Variants in STK32C observed in about 807,000 individuals in gnomAD.
The protein encoded by STK32C is serine/threonine kinase 32C, also known as serine/threonine-protein kinase 32C.
Under a neutral mutation model 56.5 loss-of-function variants are expected in STK32C, and 31 were observed. The ratio of observed to expected loss-of-function variants is 0.55; its 90% CI spans 0.41 to 0.74. The LOEUF (loss-of-function observed/expected upper bound fraction) is 0.74, where lower values mean the gene tolerates loss of function less well. Among genes scored for constraint, STK32C ranks in the 30% least tolerant of loss-of-function variants. The pLI is 0.00. For synonymous variants in STK32C, 309 were observed against 289.4 expected (o/e 1.07, Z -0.69); for missense variants, 544 against 676.9 (o/e 0.80, Z 2.18).
At chr10:132,234,431 T>C (rs2063205028) in intron 2 of STK32C, among the ~76,000 whole-genome samples, 1 of 152,176 alleles carries the variant, frequency 6.6e-6, no homozygotes, top group Non-Finnish European at 1.5e-5. Flanking sequence ...GTTTGCCCAC[T>C]TCGCTTTTTC....
intron 1 of STK32C, among the ~76,000 whole-genome samples, chr10:132,273,119 T>C (rs1227637855): frequency 6.6e-6 from 1 of 152,166 alleles, no homozygotes; most frequent in Non-Finnish European, 1.5e-5. Flanking sequence ...ACAGTATTTG[T>C]TTGTTAACAT....
chr10:132,305,021 C>G (rs977359940), intron 1 of STK32C, among the ~76,000 whole-genome samples: 4 of 152,234 alleles, frequency 2.6e-5, no homozygotes, highest in African/African-American at 9.6e-5. Flanking sequence ...CACTTGGTAT[C>G]ACCAGGACAC....
chr10:132,278,558 A>G (rs1401989979), intron 1 of STK32C, among the ~76,000 whole-genome samples: 11 of 152,058 alleles, frequency 7.2e-5, no homozygotes, highest in Admixed American at 7.2e-4. Flanking sequence ...TCAGGAGATC[A>G]AGACCATCCT....
chr10:132,262,211 T>C (rs1474334780), intron 1 of STK32C, among the ~76,000 whole-genome samples: 2 of 152,246 alleles, frequency 1.3e-5, no homozygotes, highest in East Asian at 3.9e-4. Context: ...CCCCATTCAA[T>C]AAATGGTGCT....
intron 1 of STK32C, among the ~76,000 whole-genome samples, chr10:132,268,560 T>C (rs545917024): frequency 0.033 from 4,688 of 141,974 alleles, 151 homozygotes; most frequent in Non-Finnish European, 0.048. Flanking sequence ...TGTGTGTGTG[T>C]GCCTGCGTGT....
intron 1 of STK32C, among the ~76,000 whole-genome samples, chr10:132,253,612 C>CA (rs573994927): frequency 8.1e-6 from 1 of 123,952 alleles, no homozygotes. Flanking sequence ...TGGAGGGAGC[C>CA]GAGGGAGCTG....
intron 1 of STK32C, among the ~76,000 whole-genome samples, chr10:132,293,990 C>T (rs1032463144): frequency 1.3e-5 from 2 of 152,120 alleles, no homozygotes; most frequent in East Asian, 1.9e-4. Flanking sequence ...GGCCTTCAGG[C>T]GGGGCCAGCA....
At chr10:132,294,091 G>A (rs945751969) in intron 1 of STK32C, among the ~76,000 whole-genome samples, 1 of 152,230 alleles carries the variant, frequency 6.6e-6, no homozygotes, top group Non-Finnish European at 1.5e-5. Flanking sequence ...AGCCTGGAAT[G>A]TGGGAAACAG....
At chr10:132,212,026 G>A (rs1298116631) in intron 10 of STK32C, among the ~76,000 whole-genome samples, 1 of 152,118 alleles carries the variant, frequency 6.6e-6, no homozygotes, top group Non-Finnish European at 1.5e-5. Flanking sequence ...CAGCGAGGAG[G>A]GGCCTGGGAA....
intron 7 of STK32C, 67 bp downstream of exon 7, chr10:132,225,166 C>T: frequency 7.4e-7 from 1 of 1,359,592 alleles, no homozygotes; most frequent in Non-Finnish European, 1.0e-6. Context: ...CACCCCCTCC[C>T]CAGCACTGGT....
intron 4 of STK32C, among the ~76,000 whole-genome samples, chr10:132,226,302 C>T (rs951543922): frequency 1.3e-5 from 2 of 152,256 alleles, no homozygotes; most frequent in African/African-American, 2.4e-5. Flanking sequence ...GAATTTCAGC[C>T]TAATTTCTGC....
At chr10:132,252,132 G>A (rs1007911616) in intron 1 of STK32C, among the ~76,000 whole-genome samples, 6 of 152,246 alleles carry the variant, frequency 3.9e-5, no homozygotes, top group Admixed American at 1.3e-4. Flanking sequence ...CCAAGAACCC[G>A]CTAGGGACAT....
In STK32C at chr10:132,273,687, G is replaced by A. The variant is rs186076678; in HGVS notation, c.263-27732C>T. 4.3e-3 allele frequency among the ~76,000 whole-genome samples: 660 copies of A among 152,252 alleles called. 23 individuals are homozygous for A. The South Asian group carries it at 0.088, about 20-fold the overall frequency. On this transcript the variant is annotated intron_variant, in intron 1 of 11. Coordinates refer to ENST00000298630, the MANE Select transcript of STK32C (RefSeq NM_173575.4). The stretch of plus-strand genomic sequence containing the variant: ...GAGTTAGCAAATGAGTAAATGAGAT[G>A]AATGAGTAAATGAACGAGTAGATGA...
At chr10:132,262,325 C>A (rs982108807) in intron 1 of STK32C, among the ~76,000 whole-genome samples, 4 of 152,140 alleles carry the variant, frequency 2.6e-5, no homozygotes, top group African/African-American at 4.8e-5. Context: ...AGACCTCAAA[C>A]TATAAAAGTT....
At chr10:132,272,763 A>G (rs541609117) in intron 1 of STK32C, among the ~76,000 whole-genome samples, 7 of 152,150 alleles carry the variant, frequency 4.6e-5, no homozygotes, top group Non-Finnish European at 8.8e-5. Flanking sequence ...AAACATGTCA[A>G]GCCCCGCTCT....
intron 1 of STK32C, among the ~76,000 whole-genome samples, chr10:132,295,359 C>T (rs972149934): frequency 4.6e-5 from 7 of 152,066 alleles, no homozygotes; most frequent in African/African-American, 1.2e-4. Flanking sequence ...GTGCAGTGCC[C>T]GAATGTGAGA....
intron 1 of STK32C, among the ~76,000 whole-genome samples, chr10:132,297,473 T>TG (rs2065786249): frequency 1.3e-5 from 2 of 152,350 alleles, no homozygotes; most frequent in South Asian, 4.1e-4. Flanking sequence ...ACTCTGGGGC[T>TG]GGGGTCCCAG....
intron 3 of STK32C, 107 bp from the exon 4 acceptor site, chr10:132,227,075 T>C: frequency 7.6e-7 from 1 of 1,309,864 alleles, no homozygotes. Context: ...CACCCCAGCA[T>C]CAGCCACCAG....
chr10:132,327,607 C>T (rs1420321369), intron 1 of STK32C, among the ~76,000 whole-genome samples: 2 of 152,036 alleles, frequency 1.3e-5, no homozygotes, highest in Non-Finnish European at 1.5e-5. Flanking sequence ...ACCCGAGTAC[C>T]TGGAACTACA....
Sources: allele counts gnomAD v4.1 joint callset (sites outside exome capture counted in the v4.1 genomes callset), GRCh38; gene constraint gnomAD v4.1.1; transcripts MANE v1.5; gene names NCBI Gene and HGNC (gene_info 2026-07-23, HGNC 2026-07-21).